ZNF469: variants seen among roughly 807,000 people sequenced by gnomAD.
The protein encoded by ZNF469 is zinc finger protein 469.
In ZNF469, 1 loss-of-function variant was observed where a neutral mutation model predicts 1.0. The observed-to-expected ratio is 1.00, with a 90% CI of 0.35 to 4.73. ZNF469 has a LOEUF of 4.73. Ranked by LOEUF, ZNF469 falls within the 30% of genes most tolerant of loss-of-function variation. The probability of loss-of-function intolerance (pLI) is 0.16; values close to 1 mark genes in which losing one functional copy is unlikely to be tolerated. For synonymous variants in ZNF469, 2,703 were observed against 2,363.4 expected (o/e 1.14, Z -4.17); for missense variants, 6,100 against 5,356.3 (o/e 1.14, Z -4.33).
the ZNF469 span, among the ~76,000 whole-genome samples, chr16:88,299,498 G>T: frequency 1.3e-5 from 2 of 152,188 alleles, no homozygotes; most frequent in Non-Finnish European, 2.9e-5. Context: ...AGCCAGACAG[G>T]AAGGAGCACA....
At chr16:88,192,761 T>C in the ZNF469 span, among the ~76,000 whole-genome samples, 3 of 152,102 alleles carry the variant, frequency 2.0e-5, no homozygotes, top group South Asian at 6.2e-4. Context: ...GTGGTGATGA[T>C]CATGATGGTG....
chr16:88,365,159 G>A, the ZNF469 span, among the ~76,000 whole-genome samples: 1 of 152,342 alleles, frequency 6.6e-6, no homozygotes, highest in South Asian at 2.1e-4. Context: ...CTAATCATTA[G>A]CTGAGTAATC....
At chr16:88,412,576 T>C (rs1905201104) in intron 1 of ZNF469, among the ~76,000 whole-genome samples, 1 of 152,206 alleles carries the variant, frequency 6.6e-6, no homozygotes, top group Non-Finnish European at 1.5e-5. Context: ...ACCTTTGTTC[T>C]GTCCTAGAGT....
the ZNF469 span, among the ~76,000 whole-genome samples, chr16:88,130,297 A>C: frequency 6.6e-6 from 1 of 152,120 alleles, no homozygotes; most frequent in African/African-American, 2.4e-5. Context: ...GACAAACCGC[A>C]CGCCGCAGAC....
chr16:88,285,059 G>A, the ZNF469 span, among the ~76,000 whole-genome samples: 1 of 152,266 alleles, frequency 6.6e-6, no homozygotes, highest in Non-Finnish European at 1.5e-5. Context: ...GCTAGGGGGA[G>A]GCGCATTGCC....
chr16:88,213,537 G>A, the ZNF469 span, among the ~76,000 whole-genome samples: 2 of 152,116 alleles, frequency 1.3e-5, no homozygotes, highest in African/African-American at 2.4e-5. Context: ...AAAAGTCTTC[G>A]GGGTGAGCAT....
chr16:88,395,465 G>A (rs34442376), intron 1 of ZNF469, among the ~76,000 whole-genome samples: 45,100 of 151,806 alleles, frequency 0.3, 7,073 homozygotes, highest in Non-Finnish European at 0.35. Flanking sequence ...TATGTTACAC[G>A]TATTGTATAA....
chr16:88,154,164 G>A, the ZNF469 span, among the ~76,000 whole-genome samples: 1 of 152,124 alleles, frequency 6.6e-6, no homozygotes, highest in Non-Finnish European at 1.5e-5. Flanking sequence ...GTTTGTTTTT[G>A]TTTTGTTTTT....
chr16:88,439,361 G>C lies in ZNF469; in HGVS notation c.*29G>C, dbSNP rs889537690. On this transcript the variant is annotated 3_prime_UTR_variant, in exon 3 of 3. Coordinates refer to ENST00000565624, the MANE Select transcript of ZNF469 (RefSeq NM_001367624.2). ...CTAGGAGCAAGAGCCTGGGACCGGA[G>C]CTGGGCGTTCCTGTCTCGGCCTGCC... 6.5e-7 allele frequency: 1 copy of C among 1,549,674 alleles called. No homozygotes were observed. Among genetic ancestry groups the C allele is most frequent in the East Asian group, 2.4e-5 (1 of 40,922 alleles).
chr16:88,237,213 T>G, the ZNF469 span, among the ~76,000 whole-genome samples: 4,057 of 8,024 alleles, frequency 0.51, 1,252 homozygotes, highest in Non-Finnish European at 0.71. Context: ...CTCCTGCCAG[T>G]CACCCTCCCT....
At chr16:88,294,825 C>G in the ZNF469 span, 1 of 152,450 alleles carries the variant, frequency 6.6e-6, no homozygotes, top group Non-Finnish European at 1.5e-5. Context: ...GAGAGAAGAC[C>G]GGGATGAGTT....
chr16:88,285,463 G>C, the ZNF469 span, among the ~76,000 whole-genome samples: 12 of 152,366 alleles, frequency 7.9e-5, no homozygotes, highest in African/African-American at 2.6e-4. Context: ...TGTCACAGCA[G>C]AATCTTCCAG....
the ZNF469 span, among the ~76,000 whole-genome samples, chr16:88,197,084 C>T: frequency 3.3e-5 from 5 of 152,292 alleles, no homozygotes; most frequent in African/African-American, 7.2e-5. Context: ...TTCTGGCTGG[C>T]GCTCACTTCC....
At position 88,401,880 on chromosome 16, in the gene ZNF469, ATGGGTGAG is replaced by A. The variant is rs1904882691; in HGVS notation, c.-192+18638_-192+18645del. Among the ~76,000 whole-genome samples, 4 of 147,034 alleles carry A rather than the reference ATGGGTGAG, an allele frequency of 2.7e-5. No individual in the cohort carries two copies. In the South Asian group the frequency reaches 6.8e-4, roughly 25 times the overall value. ...GGTGGAGGAATAGGTAGATGGATAGATGGGTGAGTGGGTGAGTGGATGGATGGAGGGAT... is the reference window on the plus strand; with the variant it reads ...GGTGGAGGAATAGGTAGATGGATAGATGGGTGAGTGGATGGATGGAGGGAT... On this transcript the variant is annotated intron_variant, in intron 1 of 2. Transcript: ENST00000565624.
In ZNF469 at chr16:88,430,396, T is replaced by C; in HGVS notation, c.2926T>C (p.Ser976Pro). ...GGGGTCGGGCGGCGGCGGCAGAGCC[T>C]CCGGCCTGAGGCCCCGGAGGAACGA... ...GSGSGGGGRA[S>P]GLRPRRNDGL... Residue 976 changes from serine to proline, a missense_variant, in exon 3 of 3, where the codon TCC becomes CCC. Coordinates refer to ENST00000565624, the MANE Select transcript of ZNF469 (RefSeq NM_001367624.2). 6.6e-7 allele frequency: 1 copy of C among 1,516,264 alleles called. No individual in the cohort carries two copies. The highest frequency in any genetic ancestry group is 8.8e-7 in the Non-Finnish European group (1 of 1,136,180). 93.9% of individuals were successfully genotyped at this position (1,516,264 alleles called of 1,614,324 possible). A position where few individuals can be genotyped will look rare whatever the true frequency, so the allele number is the denominator to read the frequency against.
chr16:88,193,171 GGGA>G, the ZNF469 span, among the ~76,000 whole-genome samples: 4 of 5,590 alleles, frequency 7.2e-4, no homozygotes, highest in Admixed American at 1.5e-3. Context: ...GATGGTGGTG[GGGA>G]TGGTGGTGAT....
At chr16:88,204,122 A>C in the ZNF469 span, among the ~76,000 whole-genome samples, 462 of 149,336 alleles carry the variant, frequency 3.1e-3, 4 homozygotes, top group African/African-American at 0.01. Flanking sequence ...CCCACAGAGC[A>C]GCCGGAGGCG....
the ZNF469 span, among the ~76,000 whole-genome samples, chr16:88,109,912 T>A: frequency 6.6e-6 from 1 of 152,350 alleles, no homozygotes; most frequent in African/African-American, 2.4e-5. Context: ...CATGATGGAC[T>A]CTTACCAAAT....
At chr16:88,282,298 C>T in the ZNF469 span, among the ~76,000 whole-genome samples, 36 of 152,284 alleles carry the variant, frequency 2.4e-4, no homozygotes, top group East Asian at 6.6e-3. Flanking sequence ...CCTGTGTTCT[C>T]ACTGTGTTCC....
Sources: allele counts gnomAD v4.1 joint callset (sites outside exome capture counted in the v4.1 genomes callset), GRCh38; gene constraint gnomAD v4.1.1; transcripts MANE v1.5; gene names NCBI Gene and HGNC (gene_info 2026-07-23, HGNC 2026-07-21).